The following MGMT variants were observed in gnomAD, a reference collection of about 807,000 sequenced individuals.
MGMT encodes the protein methylated-DNA--protein-cysteine methyltransferase.
In MGMT, 14 loss-of-function variants were observed where a neutral mutation model predicts 15.9. The observed-to-expected ratio is 0.88, with a 90% confidence interval of 0.58 to 1.37. The LOEUF is 1.37. Ranked by LOEUF, MGMT falls within the 40% of genes most tolerant of loss-of-function variation. The pLI, the probability that MGMT is intolerant of heterozygous loss-of-function variation, is 0.00. For synonymous variants in MGMT, 130 were observed against 118.2 expected, an observed-to-expected ratio of 1.10 and a Z score of -0.65; for missense variants, 282 against 268.1, an observed-to-expected ratio of 1.05 and a Z score of -0.36.
chr10:129,687,387 C>T (rs188513877), intron 2 of MGMT, among the ~76,000 whole-genome samples: 66 of 152,178 alleles, frequency 4.3e-4, no homozygotes, highest in African/African-American at 1.5e-3. Flanking sequence ...TAAGGAGCGC[C>T]GACGCCAAGG....
chr10:129,716,784 G>A (rs564763028), intron 3 of MGMT, among the ~76,000 whole-genome samples: 3 of 152,250 alleles, frequency 2.0e-5, no homozygotes, highest in Admixed American at 6.5e-5. Flanking sequence ...ATGTAAAACA[G>A]CACAAATCTA....
chr10:129,618,517 G>A (rs545290380), intron 2 of MGMT, among the ~76,000 whole-genome samples: 1 of 51,414 alleles, frequency 1.9e-5, no homozygotes, highest in Admixed American at 2.4e-4. Flanking sequence ...TAGAATAAGT[G>A]GATTAATTAG....
In MGMT at chr10:129,659,840, G is replaced by A. The variant is rs997062079; in HGVS notation, c.126-48055G>A. Among the ~76,000 whole-genome samples, 5 of 152,134 alleles carry A rather than the reference G, an allele frequency of 3.3e-5. No homozygotes were observed. Among genetic ancestry groups the A allele is most frequent in the South Asian group, 2.1e-4 (1 of 4,820 alleles). ...ATTGCCTTTGAAATTGAGTAATGGC[G>A]GATGCCCAGCACCTGATGTTTGGGC... On this transcript the variant is annotated intron_variant, in intron 2 of 4. Coordinates refer to ENST00000651593, the MANE Select transcript of MGMT (RefSeq NM_002412.5). This position sits in a 1 kb window ranked among gnomAD's most constrained non-coding sequence, Gnocchi z 4.1.
intron 2 of MGMT, among the ~76,000 whole-genome samples, chr10:129,626,389 G>A (rs4751106): frequency 2.2e-5 from 3 of 137,106 alleles, no homozygotes; most frequent in Non-Finnish European, 4.9e-5. Context: ...GTGAAGCCTG[G>A]GGAGTTCTTT....
At chr10:129,649,261 C>T (rs1190600190) in intron 2 of MGMT, among the ~76,000 whole-genome samples, 1 of 152,112 alleles carries the variant, frequency 6.6e-6, no homozygotes, top group Non-Finnish European at 1.5e-5. Flanking sequence ...AAGCTTTCTG[C>T]CCCCTTAACT....
intron 4 of MGMT, among the ~76,000 whole-genome samples, chr10:129,760,877 C>T (rs1292903582): frequency 1.5e-4 from 23 of 152,120 alleles, no homozygotes; most frequent in African/African-American, 5.6e-4. Flanking sequence ...GCGCAATTGA[C>T]CCTTCCTTTT....
At chr10:129,518,347 C>T (rs7894603) in intron 1 of MGMT, among the ~76,000 whole-genome samples, 51,096 of 124,108 alleles carry the variant, frequency 0.41, 9,440 homozygotes, top group East Asian at 0.58. Flanking sequence ...TACACACACA[C>T]ACACACACAC....
intron 2 of MGMT, among the ~76,000 whole-genome samples, chr10:129,656,763 C>T (rs991917736): frequency 6.6e-6 from 1 of 152,072 alleles, no homozygotes; most frequent in African/African-American, 2.4e-5. Flanking sequence ...AGGAGGCAAT[C>T]AGAGATGTCT....
intron 2 of MGMT, among the ~76,000 whole-genome samples, chr10:129,638,194 G>A (rs1490918795): frequency 1.3e-5 from 2 of 151,880 alleles, no homozygotes; most frequent in Non-Finnish European, 2.9e-5. Flanking sequence ...AATCTGTAAC[G>A]GTTTAGAACT....
At chr10:129,565,057 T>C (rs1221916509) in intron 2 of MGMT, among the ~76,000 whole-genome samples, 1 of 152,236 alleles carries the variant, frequency 6.6e-6, no homozygotes, top group African/African-American at 2.4e-5. Context: ...ACGCACATTC[T>C]GCCGTCTTGG....
intron 2 of MGMT, among the ~76,000 whole-genome samples, chr10:129,696,911 TG>T (rs1564764693): frequency 2.0e-5 from 3 of 152,314 alleles, no homozygotes; most frequent in African/African-American, 7.2e-5. Flanking sequence ...GGCCTTGCTT[TG>T]GAGGGTTGAC....
intron 2 of MGMT, among the ~76,000 whole-genome samples, chr10:129,679,364 C>T (rs1029963949): frequency 3.3e-5 from 5 of 149,894 alleles, no homozygotes; most frequent in Non-Finnish European, 7.4e-5. Context: ...TGGGACCCTG[C>T]GGGCTTCCAC....
rs922656153 is a variant in MGMT, at chr10:129,565,119, G to A, written c.125+28742G>A. On this transcript the variant is annotated intron_variant, in intron 2 of 4. Coordinates refer to ENST00000651593, the MANE Select transcript of MGMT (RefSeq NM_002412.5). The stretch of plus-strand genomic sequence containing the variant: ...GGGCGCTGCGTGTAGCCTGCCCGGC[G>A]GGGCCGGGGTGTGGCAGGACCGAAG... 1.4e-4 allele frequency among the ~76,000 whole-genome samples: 22 copies of A among 152,196 alleles called. No homozygotes were observed. In the East Asian group the frequency reaches 2.3e-3, roughly 16 times the overall value.
At chr10:129,489,906 AC>A (rs1490653214) in intron 1 of MGMT, among the ~76,000 whole-genome samples, 1 of 150,746 alleles carries the variant, frequency 6.6e-6, no homozygotes, top group African/African-American at 2.4e-5. Context: ...TACTCTGTAA[AC>A]CATTTCTTTC....
intron 2 of MGMT, among the ~76,000 whole-genome samples, chr10:129,681,613 A>C (rs1847853416): frequency 6.6e-6 from 1 of 152,228 alleles, no homozygotes; most frequent in Admixed American, 6.5e-5. Flanking sequence ...CACAGACTTG[A>C]ACTCTGTGGG....
At chr10:129,515,764 T>G (rs1351017519) in intron 1 of MGMT, among the ~76,000 whole-genome samples, 3 of 152,160 alleles carry the variant, frequency 2.0e-5, no homozygotes, top group Admixed American at 2.0e-4. Context: ...GCCTGTGGAC[T>G]GTAAAAGCAG....
chr10:129,657,269 A>G (rs988852839), intron 2 of MGMT, among the ~76,000 whole-genome samples: 1 of 152,110 alleles, frequency 6.6e-6, no homozygotes, highest in Non-Finnish European at 1.5e-5. Context: ...GATGCATTCC[A>G]TTGAAAATTC....
At chr10:129,756,588 C>T (rs1187111797) in intron 3 of MGMT, among the ~76,000 whole-genome samples, 27 of 152,292 alleles carry the variant, frequency 1.8e-4, no homozygotes. Context: ...TTCTGCCTCA[C>T]CCTCCCGAGT....
At chr10:129,668,513 A>G (rs1847685338) in intron 2 of MGMT, among the ~76,000 whole-genome samples, 1 of 152,176 alleles carries the variant, frequency 6.6e-6, no homozygotes, top group Non-Finnish European at 1.5e-5. Flanking sequence ...TGAGAAGTCC[A>G]TTTATTCCCC....
Sources: allele counts gnomAD v4.1 joint callset (sites outside exome capture counted in the v4.1 genomes callset), GRCh38; gene constraint gnomAD v4.1.1; non-coding constraint Gnocchi (gnomAD v3.1); transcripts MANE v1.5; gene names NCBI Gene and HGNC (gene_info 2026-07-23, HGNC 2026-07-21).